The following CDADC1 variants were observed in gnomAD, a reference collection of about 807,000 sequenced individuals.
CDADC1 encodes the protein cytidine and dCMP deaminase domain containing 1.
CDADC1 carries 39 observed loss-of-function variants against 54.9 expected under a neutral mutation model. The observed-to-expected ratio is 0.71, with a 90% CI of 0.55 to 0.93. The LOEUF is 0.93. CDADC1 is among the 40% of genes least tolerant of loss of function. The pLI, the probability that CDADC1 is intolerant of heterozygous loss-of-function variation, is 0.00. For synonymous variants in CDADC1, 186 were observed against 204.0 expected, an observed-to-expected ratio of 0.91 and a Z score of 0.75; for missense variants, 518 against 618.8, an observed-to-expected ratio of 0.84 and a Z score of 1.73.
chr13:49,268,358 A>G (rs1259569520), intron 5 of CDADC1, among the ~76,000 whole-genome samples: 1 of 152,136 alleles, frequency 6.6e-6, no homozygotes. Flanking sequence ...CACTAAAGGT[A>G]GGACAAGAAG....
At chr13:49,255,460 T>A (rs1487211591) in intron 2 of CDADC1, among the ~76,000 whole-genome samples, 1 of 152,244 alleles carries the variant, frequency 6.6e-6, no homozygotes, top group East Asian at 1.9e-4. Flanking sequence ...ATACCTTTGC[T>A]ACATAGTTCC....
At chr13:49,251,253 C>A (rs945199237) in intron 2 of CDADC1, among the ~76,000 whole-genome samples, 3 of 151,906 alleles carry the variant, frequency 2.0e-5, no homozygotes, top group Non-Finnish European at 1.5e-5. Flanking sequence ...GCCAAAAATA[C>A]AAAAAGTAGC....
At chr13:49,249,028 C>A in intron 2 of CDADC1, 63 bp downstream of exon 2, 2 of 1,041,384 alleles carry the variant, frequency 1.9e-6, no homozygotes, top group Non-Finnish European at 3.0e-6. Flanking sequence ...GAGTTTATTG[C>A]TCCAGTTTCT....
At chr13:49,277,495 AGATTT>A (rs1304554502) in intron 6 of CDADC1, among the ~76,000 whole-genome samples, 2 of 152,188 alleles carry the variant, frequency 1.3e-5, no homozygotes, top group Admixed American at 1.3e-4. Context: ...ATGTTCAAAC[AGATTT>A]ATTAATGAGA....
rs1953725006 is a variant in CDADC1, at chr13:49,292,179, T to TAA, written c.*423_*424dup. ...CAGTTAGTAAACTGCTCCAGGGAAA[T>TAA]AAGTGTCATCTTTTAAGAGTCAGTG... On this transcript the variant is annotated 3_prime_UTR_variant, in exon 10 of 10. Coordinates refer to ENST00000251108, the MANE Select transcript of CDADC1 (RefSeq NM_030911.4). 6.0e-6 allele frequency: 6 copies of TAA among 1,001,370 alleles called. No homozygotes were observed. In the South Asian group the frequency reaches 2.5e-4, roughly 42 times the overall value. 62.0% of individuals were successfully genotyped at this position (1,001,370 alleles called of 1,614,324 possible).
chr13:49,268,617 A>G lies in CDADC1; in HGVS notation c.1000+558A>G, dbSNP rs552730054. ...TAGTTTGGGGCTGCAGTGAGCTACA[A>G]TAGCACCACTGTACTCCAGCTCCAG... On this transcript the variant is annotated intron_variant, in intron 5 of 9. Transcript: ENST00000251108. Among the ~76,000 whole-genome samples the G allele has an allele frequency of 1.6e-3, 247 of 152,322 alleles. 2 individuals are homozygous for G. Among genetic ancestry groups the G allele is most frequent in the African/African-American group, 5.7e-3 (238 of 41,570 alleles).
chr13:49,282,942 G>T (rs1433504822), intron 8 of CDADC1, among the ~76,000 whole-genome samples: 1 of 152,196 alleles, frequency 6.6e-6, no homozygotes, highest in East Asian at 1.9e-4. Flanking sequence ...CACAAAGGTT[G>T]GGGACTGCTT....
At chr13:49,272,738 A>T (rs1041337238) in intron 5 of CDADC1, among the ~76,000 whole-genome samples, 1 of 150,300 alleles carries the variant, frequency 6.7e-6, no homozygotes, top group Non-Finnish European at 1.5e-5. Flanking sequence ...ACTCACTGCA[A>T]CCTCCGCCTC....
chr13:49,259,202 C>A, intron 3 of CDADC1, 144 bp from the exon 4 acceptor site: 1 of 603,202 alleles, frequency 1.7e-6, no homozygotes, highest in Non-Finnish European at 2.6e-6. Flanking sequence ...CTTTTTGGAT[C>A]TAATGAGAAA....
intron 2 of CDADC1, among the ~76,000 whole-genome samples, chr13:49,254,916 A>C (rs746316732): frequency 6.6e-6 from 1 of 152,188 alleles, no homozygotes; most frequent in South Asian, 2.1e-4. Flanking sequence ...TTCTACTTCA[A>C]GTTTTCACTT....
At chr13:49,260,730 C>CA (rs1364350274) in intron 4 of CDADC1, among the ~76,000 whole-genome samples, 1 of 151,790 alleles carries the variant, frequency 6.6e-6, no homozygotes, top group Non-Finnish European at 1.5e-5. Context: ...CATGGTAGAT[C>CA]AAAAAACAAA....
At chr13:49,253,419 A>G (rs1387680147) in intron 2 of CDADC1, among the ~76,000 whole-genome samples, 1 of 152,212 alleles carries the variant, frequency 6.6e-6, no homozygotes, top group East Asian at 1.9e-4. Context: ...TAATGCTAGT[A>G]TAAACATTGG....
Position 49,270,526 on chromosome 13 carries a change from A to T in CDADC1, c.1000+2467A>T, listed in dbSNP as rs74072800. On this transcript the variant is annotated intron_variant, in intron 5 of 9. Transcript: ENST00000251108. ...AGCCATCATGCCCAATCCAGATTTT[A>T]AAAAGGTAATATGGTACATATACTG... is the stretch of plus-strand genomic sequence containing the variant. 1.0e-2 allele frequency among the ~76,000 whole-genome samples: 1,516 copies of T among 152,324 alleles called. 27 individuals carry two copies. Among genetic ancestry groups the T allele is most frequent in the African/African-American group, 0.033 (1,391 of 41,556 alleles).
chr13:49,280,745 T>A, intron 8 of CDADC1, 47 bp downstream of exon 8: 1 of 1,127,138 alleles, frequency 8.9e-7, no homozygotes, highest in Non-Finnish European at 1.2e-6. Context: ...ATTATGTTGT[T>A]AGGTACCCTG....
Position 49,292,448 on chromosome 13 carries a change from C to T in CDADC1, c.*691C>T, listed in dbSNP as rs1953738930. On this transcript the variant is annotated 3_prime_UTR_variant, in exon 10 of 10. Coordinates refer to ENST00000251108, the MANE Select transcript of CDADC1 (RefSeq NM_030911.4). ...ACTCTTGAAATCACTAACAGTGAAC[C>T]TCAAATTTGGTTATGATGTTAACAG... The T allele has an allele frequency of 4.0e-6, 4 of 1,010,426 alleles. No individual in the cohort carries two copies. The South Asian group carries it at 1.2e-4, about 30-fold the overall frequency. The allele number at this position is 1,010,426 out of a possible 1,614,324, so 62.6% of individuals were successfully genotyped here.
intron 4 of CDADC1, among the ~76,000 whole-genome samples, chr13:49,264,585 TG>T (rs1952769200): frequency 7.1e-6 from 1 of 141,542 alleles, no homozygotes; most frequent in South Asian, 2.2e-4. Flanking sequence ...GAGCTGGGTG[TG>T]GTGGTGCACA....
chr13:49,248,871 G>A lies in CDADC1; in HGVS notation c.83G>A (p.Gly28Asp), dbSNP rs1952357176. Residue 28 changes from glycine to aspartate, a missense_variant and splice_region_variant, in exon 2 of 10, where the codon GGT (glycine) becomes GAT (aspartate). Transcript: ENST00000251108. ...SVSTQTGSMT[G>D]QIPRLSKVNL... ...AAAGTGTTTGTCGTCTCTTTTGTAG[G>A]TCAGATACCAAGGCTTTCTAAAGTC... 6.3e-7 allele frequency: 1 copy of A among 1,586,736 alleles called. No homozygotes were observed. Among genetic ancestry groups the A allele is most frequent in the East Asian group, 2.2e-5 (1 of 44,758 alleles).
chr13:49,270,280 G>A (rs1285542347), intron 5 of CDADC1, among the ~76,000 whole-genome samples: 1 of 152,060 alleles, frequency 6.6e-6, no homozygotes, highest in Non-Finnish European at 1.5e-5. Flanking sequence ...TGAGTGCAGT[G>A]GCACTCATGG....
intron 6 of CDADC1, among the ~76,000 whole-genome samples, chr13:49,276,662 C>T (rs1484545906): frequency 1.6e-5 from 1 of 62,216 alleles, no homozygotes; most frequent in Non-Finnish European, 5.2e-5. Context: ...ACCTGTACCC[C>T]AACTGTTAAC....
Sources: gnomAD v4.1 joint callset for allele counts (sites outside exome capture counted in the v4.1 genomes callset) on GRCh38, gnomAD v4.1.1 for gene constraint, MANE v1.5 for transcripts, NCBI Gene and HGNC (gene_info 2026-07-23, HGNC 2026-07-21) for gene names.